Variants in ALCAM observed in about 807,000 individuals in gnomAD.
ALCAM encodes activated leukocyte cell adhesion molecule.
In ALCAM, 30 loss-of-function variants were observed where a neutral mutation model predicts 70.9. The ratio of observed to expected loss-of-function variants is 0.42; its 90% CI spans 0.32 to 0.57. The LOEUF (loss-of-function observed/expected upper bound fraction) is 0.57. Among genes scored for constraint, ALCAM ranks in the 20% least tolerant of loss-of-function variants. The pLI, the probability that ALCAM is intolerant of heterozygous loss-of-function variation, is 0.11. For synonymous variants in ALCAM, 249 were observed against 242.5 expected (o/e 1.03, Z -0.25); for missense variants, 591 against 695.1 (o/e 0.85, Z 1.68).
Position 105,367,263 on chromosome 3 carries a change from C to A in ALCAM, c.-146C>A. On this transcript the variant is annotated 5_prime_UTR_variant, in exon 1 of 16. Coordinates refer to ENST00000306107, the MANE Select transcript of ALCAM (RefSeq NM_001627.4). ...GTGCGGCAGAGAACCGAAGGTGCAG[C>A]GCCACAGCCCAGGGGACGGTGTGTC... 1 of 718,298 alleles carries A rather than the reference C, an allele frequency of 1.4e-6. No individual in the cohort carries two copies. The highest frequency in any genetic ancestry group is 1.8e-5 in the African/African-American group (1 of 55,846). The allele number at this position is 718,298 out of a possible 1,614,324, so 44.5% of individuals were successfully genotyped here.
intron 1 of ALCAM, among the ~76,000 whole-genome samples, chr3:105,393,740 C>T (rs1328231141): frequency 1.3e-5 from 2 of 151,870 alleles, no homozygotes; most frequent in Admixed American, 6.6e-5. Context: ...AAATATACTA[C>T]ATGAATGAAA....
chr3:105,390,881 G>A (rs1935800816), intron 1 of ALCAM, among the ~76,000 whole-genome samples: 1 of 152,008 alleles, frequency 6.6e-6, no homozygotes, highest in South Asian at 2.1e-4. Flanking sequence ...TTTTTGTCAG[G>A]TTTGTCGAAG....
chr3:105,481,304 T>A (rs1938264934), intron 1 of ALCAM, among the ~76,000 whole-genome samples: 1 of 152,104 alleles, frequency 6.6e-6, no homozygotes, highest in South Asian at 2.1e-4. Context: ...TATAATCAAC[T>A]TTTAAATCTT....
At chr3:105,535,644 A>G (rs1939950886) in intron 6 of ALCAM, among the ~76,000 whole-genome samples, 1 of 152,144 alleles carries the variant, frequency 6.6e-6, no homozygotes, top group African/African-American at 2.4e-5. Flanking sequence ...GCTACATCAC[A>G]CATTAAATTG....
chr3:105,455,501 A>T (rs1410240726), intron 1 of ALCAM, among the ~76,000 whole-genome samples: 1 of 152,154 alleles, frequency 6.6e-6, no homozygotes, highest in Non-Finnish European at 1.5e-5. Context: ...TTCAAAATAT[A>T]AACAGGTAAG....
chr3:105,539,744 T>C (rs552145030), intron 6 of ALCAM, among the ~76,000 whole-genome samples: 1 of 152,224 alleles, frequency 6.6e-6, no homozygotes, highest in African/African-American at 2.4e-5. Context: ...GACATTTTGC[T>C]AAGAAGAAAT....
At chr3:105,399,988 C>G (rs780158669) in intron 1 of ALCAM, among the ~76,000 whole-genome samples, 1 of 152,172 alleles carries the variant, frequency 6.6e-6, no homozygotes, top group African/African-American at 2.4e-5. Flanking sequence ...ACTATCATCA[C>G]CTACTTTCTG....
chr3:105,548,476 G>A (rs1482013033), intron 11 of ALCAM, among the ~76,000 whole-genome samples: 1 of 151,396 alleles, frequency 6.6e-6, no homozygotes. Context: ...GCAAAGAGCT[G>A]TAAATTAATT....
chr3:105,569,229 C>A (rs1055231684), intron 14 of ALCAM, among the ~76,000 whole-genome samples: 7 of 146,234 alleles, frequency 4.8e-5, no homozygotes, highest in Admixed American at 1.4e-4. Context: ...AAAGAGAAAG[C>A]AAAAGGAGAA....
intron 1 of ALCAM, among the ~76,000 whole-genome samples, chr3:105,418,658 A>C (rs1376818016): frequency 6.6e-6 from 1 of 151,776 alleles, no homozygotes; most frequent in Non-Finnish European, 1.5e-5. Context: ...AATTTGATGC[A>C]TTTCCCTCAG....
Position 105,550,132 on chromosome 3 carries a change from G to T in ALCAM, c.1380G>T (p.Glu460Asp). The change falls in exon 12 of 16, where the codon GAG becomes GAT. Residue 460 changes from glutamate (E) to aspartate (D), a missense_variant. Glu to Asp is a conservative substitution (Grantham distance 45). Transcript: ENST00000306107. ...TGSGSVINQTEESPYINGRYY... is the reference protein window; with the variant it reads ...TGSGSVINQTDESPYINGRYY... Reference sequence around the variant, plus strand: ...CTTTTTTCTTCTTTTTCCAGACAGAGGAATCTCCTTATATTAATGGCAGGT... The same window carrying T: ...CTTTTTTCTTCTTTTTCCAGACAGATGAATCTCCTTATATTAATGGCAGGT... 1 of 1,583,350 alleles carries T rather than the reference G, an allele frequency of 6.3e-7. No individual in the cohort carries two copies. The highest frequency in any genetic ancestry group is 8.6e-7 in the Non-Finnish European group (1 of 1,159,840).
At chr3:105,385,718 T>G (rs1935635431) in intron 1 of ALCAM, among the ~76,000 whole-genome samples, 1 of 151,666 alleles carries the variant, frequency 6.6e-6, no homozygotes, top group South Asian at 2.1e-4. Flanking sequence ...GTGTGTCAAA[T>G]TTTACAACAG....
At chr3:105,552,273 A>T (rs1940428964) in intron 13 of ALCAM, 91 bp downstream of exon 13, 1 of 1,380,870 alleles carries the variant, frequency 7.2e-7, no homozygotes, top group Non-Finnish European at 1.0e-6. Context: ...AGCTGTCCAC[A>T]ATTTTGACTT....
intron 1 of ALCAM, among the ~76,000 whole-genome samples, chr3:105,452,114 C>CA (rs1235329025): frequency 2.0e-5 from 3 of 149,824 alleles, no homozygotes; most frequent in Non-Finnish European, 4.4e-5. Flanking sequence ...TTTTTTCTTC[C>CA]AAAAAAAAGG....
chr3:105,395,031 A>T (rs1416823563), intron 1 of ALCAM, among the ~76,000 whole-genome samples: 1 of 151,996 alleles, frequency 6.6e-6, no homozygotes, highest in African/African-American at 2.4e-5. Context: ...CTAACTTTAT[A>T]ACTGTAAGCA....
At chr3:105,501,558 T>C (rs1938922830) in intron 1 of ALCAM, among the ~76,000 whole-genome samples, 1 of 152,170 alleles carries the variant, frequency 6.6e-6, no homozygotes. Flanking sequence ...AATAAAAATC[T>C]ATAAGGTATA....
chr3:105,483,877 G>A (rs56236143), intron 1 of ALCAM, among the ~76,000 whole-genome samples: 2,004 of 152,092 alleles, frequency 0.013, 35 homozygotes, highest in African/African-American at 0.044. Flanking sequence ...AGTTTGCTAC[G>A]TATAGAATAC....
intron 1 of ALCAM, among the ~76,000 whole-genome samples, chr3:105,394,028 T>C (rs967583476): frequency 2.5e-4 from 38 of 151,894 alleles, no homozygotes; most frequent in Admixed American, 1.4e-3. Flanking sequence ...TTTTACAAAA[T>C]ATTTCGAGTC....
At chr3:105,386,714 A>G (rs535649812) in intron 1 of ALCAM, among the ~76,000 whole-genome samples, 11 of 151,288 alleles carry the variant, frequency 7.3e-5, no homozygotes, top group African/African-American at 2.4e-4. Flanking sequence ...AGGTTTTTTC[A>G]TTTAAAATTA....
Sources: allele counts gnomAD v4.1 joint callset (sites outside exome capture counted in the v4.1 genomes callset), GRCh38; gene constraint gnomAD v4.1.1; transcripts MANE v1.5; gene names NCBI Gene and HGNC (gene_info 2026-07-23, HGNC 2026-07-21).